Variants in TGS1 observed in about 807,000 individuals in gnomAD.
The protein encoded by TGS1 is trimethylguanosine synthase 1.
A neutral mutation model predicts 92.2 loss-of-function variants in TGS1; 69 were observed. That is an observed-to-expected ratio of 0.75 (90% CI 0.62 to 0.91). The LOEUF (loss-of-function observed/expected upper bound fraction) is 0.91. TGS1 is among the 40% of genes least tolerant of loss of function. TGS1 has a pLI of 0.00. For missense variants in TGS1, 1,062 were observed against 1,001.2 expected (o/e 1.06, Z -0.82); for synonymous variants, 345 against 338.1 (o/e 1.02, Z -0.22).
chr8:55,788,783 T>G (rs1327589426), intron 4 of TGS1, among the ~76,000 whole-genome samples: 1 of 152,184 alleles, frequency 6.6e-6, no homozygotes, highest in Non-Finnish European at 1.5e-5. Context: ...AGATTTTATA[T>G]TAGTATTCTG....
intron 11 of TGS1, 77 bp downstream of exon 11, chr8:55,811,174 T>TTGGGGGGG: frequency 3.8e-6 from 1 of 260,002 alleles, no homozygotes; most frequent in Non-Finnish European, 7.5e-6. Context: ...AGAGAGGGAG[T>TTGGGGGGG]GTGGGTGGGT....
intron 12 of TGS1, among the ~76,000 whole-genome samples, chr8:55,814,861 GA>G (rs1803435863): frequency 6.7e-6 from 1 of 149,894 alleles, no homozygotes; most frequent in African/African-American, 2.4e-5. Context: ...AAAGAAAAAC[GA>G]ACCATCTCTT....
intron 1 of TGS1, among the ~76,000 whole-genome samples, chr8:55,782,099 A>G (rs1439957944): frequency 2.6e-5 from 4 of 152,180 alleles, no homozygotes; most frequent in Admixed American, 2.6e-4. Flanking sequence ...AGAACACCCC[A>G]TTGTTTATGT....
intron 1 of TGS1, among the ~76,000 whole-genome samples, chr8:55,782,372 G>C (rs1220516039): frequency 6.6e-6 from 1 of 152,010 alleles, no homozygotes; most frequent in Non-Finnish European, 1.5e-5. Flanking sequence ...TAGAGATGGG[G>C]TTTCATCATG....
At chr8:55,822,059 CT>C (rs1294282484) in intron 12 of TGS1, among the ~76,000 whole-genome samples, 2 of 150,158 alleles carry the variant, frequency 1.3e-5, no homozygotes, top group Non-Finnish European at 3.0e-5. Flanking sequence ...ACAATATTGG[CT>C]TTTTTTTCTT....
chr8:55,802,317 G>A, intron 8 of TGS1, 140 bp from the exon 9 acceptor site: 1 of 645,804 alleles, frequency 1.5e-6, no homozygotes. Context: ...TTTCCATCAG[G>A]CTCTCCTGTT....
intron 11 of TGS1, among the ~76,000 whole-genome samples, chr8:55,812,553 C>G (rs1803367202): frequency 6.7e-6 from 1 of 149,408 alleles, no homozygotes; most frequent in South Asian, 2.1e-4. Flanking sequence ...GTGGTACATG[C>G]CTGTAATCCT....
At chr8:55,781,830 C>A (rs927112508) in intron 1 of TGS1, among the ~76,000 whole-genome samples, 1 of 152,230 alleles carries the variant, frequency 6.6e-6, no homozygotes, top group Non-Finnish European at 1.5e-5. Flanking sequence ...CTTCCACTTG[C>A]AATTGGCCTT....
chr8:55,796,196 T>C (rs777361127), intron 7 of TGS1, 44 bp downstream of exon 7: 1 of 1,445,620 alleles, frequency 6.9e-7, no homozygotes, highest in Non-Finnish European at 9.5e-7. Context: ...GAATCATGTT[T>C]TGTAAGTTTG....
chr8:55,807,957 A>G (rs1446065843), intron 10 of TGS1, among the ~76,000 whole-genome samples: 1 of 152,244 alleles, frequency 6.6e-6, no homozygotes, highest in African/African-American at 2.4e-5. Flanking sequence ...ATATGAAGTT[A>G]ATGTTAAGTA....
At chr8:55,810,821 TATCC>T (rs1407680941) in intron 10 of TGS1, 56 bp from the exon 11 acceptor site, 5 of 1,365,320 alleles carry the variant, frequency 3.7e-6, no homozygotes, top group Non-Finnish European at 5.2e-6. Context: ...AAAGACAAAC[TATCC>T]TATATAAGTA....
Position 55,796,112 on chromosome 8 carries a change from C to A in TGS1, c.1502C>A (p.Ser501Ter). ...AAACACATCTTCTTTACCAAAGAGT[C>A]AGAAAAACCATTTTTCAAGAAAAGC... Reference protein sequence around the residue: ...KNKHIFFTKESEKPFFKKSKI... With the variant: ...KNKHIFFTKE The change falls in exon 7 of 13, where the codon TCA becomes TAA. Residue 501 changes from serine to a stop codon, truncating the protein, a stop_gained. Transcript: ENST00000260129. LOFTEE classifies it high-confidence loss of function. The A allele has an allele frequency of 6.2e-7, 1 of 1,612,332 alleles. No homozygotes were observed. The highest frequency in any genetic ancestry group is 8.5e-7 in the Non-Finnish European group (1 of 1,179,234).
chr8:55,778,074 C>A (rs763215575), intron 1 of TGS1, among the ~76,000 whole-genome samples: 2 of 151,966 alleles, frequency 1.3e-5, no homozygotes, highest in African/African-American at 4.8e-5. Flanking sequence ...AAGTTCAAGA[C>A]CAGTCTGGGC....
At chr8:55,787,101 C>A in intron 4 of TGS1, 41 bp downstream of exon 4, 1 of 1,435,952 alleles carries the variant, frequency 7.0e-7, no homozygotes, top group Non-Finnish European at 9.5e-7. Flanking sequence ...TAATGGTTAG[C>A]AAAATGAATT....
intron 12 of TGS1, among the ~76,000 whole-genome samples, chr8:55,820,312 C>T (rs369578194): frequency 1.3e-5 from 2 of 152,082 alleles, no homozygotes; most frequent in Non-Finnish European, 2.9e-5. Context: ...TTTGAGAGGC[C>T]GAGGCGGGCG....
chr8:55,792,447 A>G (rs1811913206), intron 5 of TGS1, among the ~76,000 whole-genome samples: 1 of 152,250 alleles, frequency 6.6e-6, no homozygotes, highest in Middle Eastern at 3.2e-3. Flanking sequence ...ACCTAGGAAT[A>G]GAAATCATTA....
At chr8:55,811,183 GT>G in intron 11 of TGS1, 86 bp downstream of exon 11, 7 of 757,930 alleles carry the variant, frequency 9.2e-6, no homozygotes, top group East Asian at 2.7e-5. Flanking sequence ...GTGTGGGTGG[GT>G]GGGCAGGGTG....
In TGS1 at chr8:55,802,546, T is replaced by C; in HGVS notation, c.1939T>C (p.Tyr647His). The C allele has an allele frequency of 6.2e-7, 1 of 1,614,114 alleles. No homozygotes were observed. The highest frequency in any genetic ancestry group is 8.5e-7 in the Non-Finnish European group (1 of 1,180,000). ...AGCTGCTGTTCCTGAGCTGGCAAAA[T>C]ACTGGGCCCAGAGGTACAGGCTCTT... Reference protein sequence around the residue: ...EIAAVPELAKYWAQRYRLFSR... With the variant: ...EIAAVPELAKHWAQRYRLFSR... Residue 647 changes from tyrosine (Y) to histidine (H), a missense_variant, in exon 9 of 13, where the codon TAC becomes CAC. Physicochemically the swap from Tyr to His is moderately conservative, Grantham distance 83. Coordinates refer to ENST00000260129, the MANE Select transcript of TGS1 (RefSeq NM_024831.8).
chr8:55,791,263 G>A (rs1356579232), intron 5 of TGS1, among the ~76,000 whole-genome samples: 1 of 152,168 alleles, frequency 6.6e-6, no homozygotes, highest in East Asian at 1.9e-4. Context: ...ATGTAGCCAG[G>A]GAAGGCCATG....
Sources: gnomAD v4.1 joint callset for allele counts (sites outside exome capture counted in the v4.1 genomes callset) on GRCh38, gnomAD v4.1.1 for gene constraint, MANE v1.5 for transcripts, NCBI Gene and HGNC (gene_info 2026-07-23, HGNC 2026-07-21) for gene names.